Variants in GRIK2 observed in about 807,000 individuals in gnomAD.
GRIK2 encodes the protein glutamate receptor ionotropic, kainate 2.
A neutral mutation model predicts 100.3 loss-of-function variants in GRIK2; 32 were observed. The observed-to-expected ratio is 0.32, with a 90% confidence interval of 0.24 to 0.43. GRIK2 has a LOEUF of 0.43. Among genes scored for constraint, GRIK2 ranks in the 20% least tolerant of loss-of-function variants. The probability of loss-of-function intolerance (pLI) is 1.00; values close to 1 mark genes in which losing one functional copy is unlikely to be tolerated. For missense variants in GRIK2, 843 were observed against 1,114.9 expected (o/e 0.76, Z 3.47); for synonymous variants, 417 against 389.4 (o/e 1.07, Z -0.83).
chr6:101,638,265 A>G (rs573145000), intron 4 of GRIK2, among the ~76,000 whole-genome samples: 1 of 150,970 alleles, frequency 6.6e-6, no homozygotes, highest in South Asian at 2.1e-4. Flanking sequence ...CCGGAGATAT[A>G]TAAGTAAACA....
At chr6:101,507,109 T>C (rs1160279808) in intron 2 of GRIK2, among the ~76,000 whole-genome samples, 1 of 152,144 alleles carries the variant, frequency 6.6e-6, no homozygotes, top group Non-Finnish European at 1.5e-5. Context: ...AATTTATAAC[T>C]GATTTGACTA....
intron 14 of GRIK2, among the ~76,000 whole-genome samples, chr6:101,971,504 T>C (rs1793050506): frequency 5.3e-5 from 8 of 152,002 alleles, no homozygotes; most frequent in Admixed American, 3.3e-4. Context: ...GTCAAGGTTA[T>C]TTTCTAAACA....
chr6:101,494,336 G>A (rs925327539), intron 2 of GRIK2, among the ~76,000 whole-genome samples: 7 of 151,384 alleles, frequency 4.6e-5, no homozygotes, highest in African/African-American at 1.7e-4. Flanking sequence ...TTCTGAATCA[G>A]TCCAGAGTGA....
At chr6:101,637,182 CT>C (rs986881350) in intron 4 of GRIK2, among the ~76,000 whole-genome samples, 17 of 152,146 alleles carry the variant, frequency 1.1e-4, no homozygotes, top group Non-Finnish European at 2.1e-4. Context: ...TTACCTCGTT[CT>C]CCCTAAAACC....
intron 16 of GRIK2, among the ~76,000 whole-genome samples, chr6:102,063,671 A>C (rs1173131026): frequency 6.6e-6 from 1 of 150,594 alleles, no homozygotes; most frequent in Non-Finnish European, 1.5e-5. Flanking sequence ...ATATTCTGTA[A>C]CATCAACAAT....
intron 4 of GRIK2, among the ~76,000 whole-genome samples, chr6:101,629,567 C>T (rs1419373582): frequency 6.6e-6 from 1 of 151,988 alleles, no homozygotes; most frequent in African/African-American, 2.4e-5. Context: ...CCAATTGTTG[C>T]CTCTTACTTT....
At chr6:101,454,618 T>C (rs1770894362) in intron 2 of GRIK2, among the ~76,000 whole-genome samples, 1 of 152,134 alleles carries the variant, frequency 6.6e-6, no homozygotes, top group South Asian at 2.1e-4. Context: ...CTGAGATTTT[T>C]TTTATTTCTA....
rs3057496 is a variant in GRIK2 at position 101,414,940 on chromosome 6, T to TTG, written c.115+15570_115+15571dup. Among the ~76,000 whole-genome samples, 1,313 of 149,894 alleles carry TTG rather than the reference T, an allele frequency of 8.8e-3. 7 individuals are homozygous for TTG. Among genetic ancestry groups the TTG allele is most frequent in the African/African-American group, 0.015 (620 of 40,944 alleles). The stretch of plus-strand genomic sequence containing the variant: ...AAAAAAGCTCTGTAGAGTTTTAAAC[T>TTG]TGTGTGTGTGTGTGTGTGTGTGTAT... On this transcript the variant is annotated intron_variant, in intron 2 of 16. Coordinates refer to ENST00000369134, the MANE Select transcript of GRIK2 (RefSeq NM_021956.5).
intron 12 of GRIK2, among the ~76,000 whole-genome samples, chr6:101,909,256 A>T (rs9377321): frequency 0.82 from 123,340 of 150,026 alleles, 50,784 homozygotes; most frequent in East Asian, 0.94. Context: ...AAACATGATT[A>T]TTGTTATAAT....
In GRIK2 at chr6:102,068,631, T is replaced by C; in HGVS notation, c.*120T>C. 1 of 786,046 alleles carries C rather than the reference T, an allele frequency of 1.3e-6. No individual in the cohort carries two copies. The allele number at this position is 786,046 out of a possible 1,614,324, so 48.7% of individuals were successfully genotyped here. ...TAAAATGAGTTACCTCATGCCGCTG[T>C]GTCTATGAACTAGAGACTCTGTGAT... On this transcript the variant is annotated 3_prime_UTR_variant, in exon 17 of 17. Transcript: ENST00000369134.
chr6:101,924,462 T>C, intron 12 of GRIK2, 139 bp from the exon 13 acceptor site: 1 of 618,330 alleles, frequency 1.6e-6, no homozygotes, highest in Non-Finnish European at 3.0e-6. Flanking sequence ...GGCACGTATA[T>C]GAAATCTTGT....
intron 12 of GRIK2, among the ~76,000 whole-genome samples, chr6:101,916,977 T>TA (rs1789155366): frequency 1.3e-5 from 2 of 151,640 alleles, no homozygotes; most frequent in Non-Finnish European, 3.0e-5. Flanking sequence ...CCACTACAGA[T>TA]GTCATGAAAA....
intron 2 of GRIK2, among the ~76,000 whole-genome samples, chr6:101,451,162 TA>T (rs1356285544): frequency 6.6e-6 from 1 of 151,738 alleles, no homozygotes; most frequent in African/African-American, 2.4e-5. Flanking sequence ...AAATTCTACT[TA>T]ATCTTTATGT....
intron 14 of GRIK2, among the ~76,000 whole-genome samples, chr6:101,957,347 G>A (rs914821161): frequency 5.9e-5 from 9 of 151,372 alleles, no homozygotes; most frequent in African/African-American, 2.2e-4. Context: ...GCTTGTTTTT[G>A]TCTTATAGAG....
chr6:101,398,831 C>T (rs1775120604), intron 1 of GRIK2, 154 bp from the exon 2 acceptor site: 2 of 392,972 alleles, frequency 5.1e-6, no homozygotes, highest in African/African-American at 2.1e-5. Context: ...CTTGGCTTCA[C>T]GTCAGAAGCT....
At chr6:101,670,674 T>A (rs1213353271) in intron 4 of GRIK2, among the ~76,000 whole-genome samples, 2 of 152,172 alleles carry the variant, frequency 1.3e-5, no homozygotes, top group African/African-American at 4.8e-5. Context: ...AATTTCTTAA[T>A]GTTTTTTAAT....
chr6:102,065,135 GATTAA>G (rs900709262), intron 16 of GRIK2, among the ~76,000 whole-genome samples: 1 of 151,160 alleles, frequency 6.6e-6, no homozygotes. Flanking sequence ...AAGATTGCTT[GATTAA>G]ATTTTTACTT....
intron 14 of GRIK2, among the ~76,000 whole-genome samples, chr6:101,951,385 A>G (rs1791595823): frequency 6.6e-6 from 1 of 152,208 alleles, no homozygotes; most frequent in Non-Finnish European, 1.5e-5. Context: ...GACACTGCCA[A>G]TAGTAAAATC....
At chr6:101,491,641 G>GA (rs1194439403) in intron 2 of GRIK2, among the ~76,000 whole-genome samples, 2 of 151,822 alleles carry the variant, frequency 1.3e-5, no homozygotes, top group Non-Finnish European at 2.9e-5. Context: ...CATTATTGAA[G>GA]CATTTGAATG....
Sources: gnomAD v4.1 joint callset for allele counts (sites outside exome capture counted in the v4.1 genomes callset) on GRCh38, gnomAD v4.1.1 for gene constraint, MANE v1.5 for transcripts, NCBI Gene and HGNC (gene_info 2026-07-23, HGNC 2026-07-21) for gene names.